NXPH1: variants seen among roughly 807,000 people sequenced by gnomAD.
The protein encoded by NXPH1 is neurexophilin-1.
In NXPH1, 5 loss-of-function variants were observed where a neutral mutation model predicts 23.7. The observed-to-expected ratio is 0.21, with a 90% confidence interval of 0.11 to 0.44. The LOEUF (loss-of-function observed/expected upper bound fraction) is 0.44, where lower values mean the gene tolerates loss of function less well. Ranked by LOEUF, NXPH1 falls within the 20% of genes least tolerant of loss-of-function variation. NXPH1 has a pLI of 0.99. For synonymous variants in NXPH1, 144 were observed against 122.2 expected (o/e 1.18, Z -1.18); for missense variants, 324 against 321.6 (o/e 1.01, Z -0.06).
At chr7:8,531,807 A>G (rs995752778) in intron 2 of NXPH1, among the ~76,000 whole-genome samples, 4 of 152,182 alleles carry the variant, frequency 2.6e-5, no homozygotes, top group Non-Finnish European at 5.9e-5. Context: ...TTTTCACTCT[A>G]TCCACCATTA....
chr7:8,721,936 A>T (rs937771566), intron 2 of NXPH1, among the ~76,000 whole-genome samples: 1 of 152,212 alleles, frequency 6.6e-6, no homozygotes, highest in Non-Finnish European at 1.5e-5. Context: ...CACCACCCCC[A>T]TGGCAAATTC....
chr7:8,485,556 C>T (rs1817145228), intron 2 of NXPH1, among the ~76,000 whole-genome samples: 1 of 152,046 alleles, frequency 6.6e-6, no homozygotes, highest in African/African-American at 2.4e-5. Context: ...TGACTCTGTT[C>T]TTCTCCGGGC....
At chr7:8,650,029 A>T (rs1820465623) in intron 2 of NXPH1, among the ~76,000 whole-genome samples, 1 of 73,552 alleles carries the variant, frequency 1.4e-5, no homozygotes, top group African/African-American at 3.7e-5. Context: ...GTCTACTTGG[A>T]GGTCTGTATC....
At chr7:8,476,710 A>G (rs1584181478) in intron 2 of NXPH1, among the ~76,000 whole-genome samples, 2 of 152,154 alleles carry the variant, frequency 1.3e-5, no homozygotes, top group Admixed American at 1.3e-4. Flanking sequence ...TAAAGATAAA[A>G]AAAATAAAAA....
intron 2 of NXPH1, among the ~76,000 whole-genome samples, chr7:8,444,799 T>G (rs753567116): frequency 6.6e-6 from 1 of 152,260 alleles, no homozygotes; most frequent in Non-Finnish European, 1.5e-5. Flanking sequence ...TCCTCCTTCA[T>G]TGCAGTAAAA....
At chr7:8,534,290 C>G (rs181187969) in intron 2 of NXPH1, among the ~76,000 whole-genome samples, 1 of 152,088 alleles carries the variant, frequency 6.6e-6, no homozygotes, top group Admixed American at 6.6e-5. Context: ...TAGTACCCTT[C>G]AGAGCCATAA....
chr7:8,578,488 G>A (rs1008707013), intron 2 of NXPH1, among the ~76,000 whole-genome samples: 1 of 152,166 alleles, frequency 6.6e-6, no homozygotes, highest in Non-Finnish European at 1.5e-5. Context: ...TAATAGTAGT[G>A]ACTTAGAATT....
At chr7:8,548,361 A>C (rs1818227023) in intron 2 of NXPH1, among the ~76,000 whole-genome samples, 1 of 151,590 alleles carries the variant, frequency 6.6e-6, no homozygotes, top group Admixed American at 6.6e-5. Flanking sequence ...TTCTTTAAGA[A>C]AATTTCTATC....
chr7:8,725,831 C>G (rs890141917), intron 2 of NXPH1, among the ~76,000 whole-genome samples: 1 of 149,468 alleles, frequency 6.7e-6, no homozygotes, highest in African/African-American at 2.5e-5. Flanking sequence ...GGTTGACCGA[C>G]ATTGTCCACT....
chr7:8,615,553 T>G (rs1819716332), intron 2 of NXPH1, among the ~76,000 whole-genome samples: 1 of 152,090 alleles, frequency 6.6e-6, no homozygotes, highest in Non-Finnish European at 1.5e-5. Context: ...CTGACTCTGC[T>G]TGTCCCATAT....
At chr7:8,558,252 C>T (rs1818391826) in intron 2 of NXPH1, among the ~76,000 whole-genome samples, 1 of 151,304 alleles carries the variant, frequency 6.6e-6, no homozygotes, top group African/African-American at 2.4e-5. Flanking sequence ...CACATTTTAT[C>T]TATTTTATTT....
chr7:8,563,692 A>G (rs542128349), intron 2 of NXPH1, among the ~76,000 whole-genome samples: 1 of 151,802 alleles, frequency 6.6e-6, no homozygotes, highest in Admixed American at 6.6e-5. Flanking sequence ...CCCATTTGGA[A>G]ATTCCTCCTT....
intron 2 of NXPH1, among the ~76,000 whole-genome samples, chr7:8,509,792 A>C (rs1038735767): frequency 5.3e-5 from 8 of 152,166 alleles, no homozygotes; most frequent in African/African-American, 1.9e-4. Context: ...CAACAAAAGC[A>C]AAACCAATGT....
chr7:8,471,274 C>A (rs1026557830), intron 2 of NXPH1, among the ~76,000 whole-genome samples: 1 of 152,090 alleles, frequency 6.6e-6, no homozygotes, highest in African/African-American at 2.4e-5. Context: ...ACAAGAAAAG[C>A]TGTGCTTAAG....
At chr7:8,678,685 G>A (rs751136593) in intron 2 of NXPH1, among the ~76,000 whole-genome samples, 1 of 151,902 alleles carries the variant, frequency 6.6e-6, no homozygotes, top group African/African-American at 2.4e-5. Flanking sequence ...TTAAGGAATG[G>A]GTCACTTCCT....
At chr7:8,740,063 A>G (rs1006872660) in intron 2 of NXPH1, among the ~76,000 whole-genome samples, 1 of 152,176 alleles carries the variant, frequency 6.6e-6, no homozygotes, top group Admixed American at 6.5e-5. Context: ...GTTTGTTTGG[A>G]TTATTTGAGC....
chr7:8,723,414 T>C lies in NXPH1; in HGVS notation c.55-27594T>C, dbSNP rs900920838. 4.6e-5 allele frequency among the ~76,000 whole-genome samples: 7 copies of C among 152,248 alleles called. No homozygotes were observed. In the East Asian group the frequency reaches 1.3e-3, roughly 29 times the overall value. The stretch of plus-strand genomic sequence containing the variant: ...CACTAAGAGACCATACTCACTATTT[T>C]ATTAAGTTTTGCTAATGTTTGTCAA... On this transcript the variant is annotated intron_variant, in intron 2 of 2. Coordinates refer to ENST00000405863, the MANE Select transcript of NXPH1 (RefSeq NM_152745.3).
At chr7:8,467,609 C>T (rs1020987406) in intron 2 of NXPH1, among the ~76,000 whole-genome samples, 1 of 152,098 alleles carries the variant, frequency 6.6e-6, no homozygotes, top group African/African-American at 2.4e-5. Flanking sequence ...TAGCACATAC[C>T]TTTGACTGGG....
intron 2 of NXPH1, among the ~76,000 whole-genome samples, chr7:8,654,769 A>G (rs959334397): frequency 5.3e-5 from 8 of 152,122 alleles, no homozygotes; most frequent in Non-Finnish European, 7.4e-5. Context: ...AATAATTCCT[A>G]CTGACATCCA....
Sources: gnomAD v4.1 joint callset for allele counts (sites outside exome capture counted in the v4.1 genomes callset) on GRCh38, gnomAD v4.1.1 for gene constraint, MANE v1.5 for transcripts, NCBI Gene and HGNC (gene_info 2026-07-23, HGNC 2026-07-21) for gene names.